CCBE1: variants seen among roughly 807,000 people sequenced by gnomAD.
CCBE1 encodes collagen and calcium-binding EGF domain-containing protein 1.
CCBE1 carries 37 observed loss-of-function variants against 50.0 expected under a neutral mutation model. The observed-to-expected ratio is 0.74, with a 90% confidence interval of 0.57 to 0.97. The LOEUF is 0.97. Ranked by LOEUF, CCBE1 falls within the 50% of genes least tolerant of loss-of-function variation. The pLI, the probability that CCBE1 is intolerant of heterozygous loss-of-function variation, is 0.00. For missense variants in CCBE1, 538 were observed against 523.8 expected (o/e 1.03, Z -0.26); for synonymous variants, 234 against 203.7 (o/e 1.15, Z -1.27).
intron 2 of CCBE1, among the ~76,000 whole-genome samples, chr18:59,567,517 C>T (rs556456924): frequency 9.8e-5 from 15 of 152,322 alleles, no homozygotes; most frequent in South Asian, 6.2e-4. Flanking sequence ...CAGCAGACAG[C>T]GATGGGAAGC....
Position 59,537,053 on chromosome 18 carries a change from A to G in CCBE1, c.213-56815T>C, listed in dbSNP as rs1022707539. Among the ~76,000 whole-genome samples, 4 of 152,122 alleles carry G rather than the reference A, an allele frequency of 2.6e-5. No homozygotes were observed. In the South Asian group the frequency reaches 8.3e-4, roughly 32 times the overall value. ...TGCTCACATATAAACTAGAAAAAGC[A>G]AAGTTAATGCTTAGCATACAGCCCC... On this transcript the variant is annotated intron_variant, in intron 2 of 10. Coordinates refer to ENST00000439986, the MANE Select transcript of CCBE1 (RefSeq NM_133459.4).
rs1454059446 is a variant in CCBE1, at chr18:59,601,064, CTCTG to C, written c.212+95561_212+95564del. On this transcript the variant is annotated intron_variant, in intron 2 of 10. Transcript: ENST00000439986. Reference sequence around the variant, plus strand: ...TTTTTTTTTGTAAGACAGGGTCTCACTCTGTCTCCCAGGCTGGAGTGCAGTGGTG... The same window carrying C: ...TTTTTTTTTGTAAGACAGGGTCTCACTCTCCCAGGCTGGAGTGCAGTGGTG... Among the ~76,000 whole-genome samples the C allele has an allele frequency of 4.4e-5, 5 of 113,100 alleles. 1 individual carries two copies. The highest frequency in any genetic ancestry group is 1.7e-4 in the African/African-American group (5 of 28,714). The allele number at this position is 113,100 out of a possible 152,430, so 74.2% of individuals were successfully genotyped here. A position where few individuals can be genotyped will look rare whatever the true frequency, so the allele number is the denominator to read the frequency against.
chr18:59,484,102 ACT>A (rs1912703119), intron 2 of CCBE1, among the ~76,000 whole-genome samples: 2 of 152,140 alleles, frequency 1.3e-5, no homozygotes, highest in Non-Finnish European at 1.5e-5. Context: ...TGAAACTTAA[ACT>A]CTGTCTAGTT....
chr18:59,646,720 C>A (rs1239516993), intron 2 of CCBE1, among the ~76,000 whole-genome samples: 1 of 152,200 alleles, frequency 6.6e-6, no homozygotes, highest in Non-Finnish European at 1.5e-5. Context: ...CATGACAGGT[C>A]TCATGTAGCA....
chr18:59,688,890 C>T (rs977932999), intron 2 of CCBE1, among the ~76,000 whole-genome samples: 10 of 152,086 alleles, frequency 6.6e-5, no homozygotes, highest in Admixed American at 5.9e-4. Flanking sequence ...CCCAAGGTCA[C>T]CTTGAGAATT....
chr18:59,545,949 G>A (rs745519890), intron 2 of CCBE1, among the ~76,000 whole-genome samples: 9 of 152,240 alleles, frequency 5.9e-5, no homozygotes, highest in South Asian at 2.1e-4. Context: ...TGTCAGCAGC[G>A]TGAAAATGAA....
At chr18:59,621,254 C>T (rs2053706642) in intron 2 of CCBE1, among the ~76,000 whole-genome samples, 2 of 152,204 alleles carry the variant, frequency 1.3e-5, no homozygotes. Context: ...GAAAGAGTTC[C>T]TGCAGCTGTG....
rs1910139279 is a variant in CCBE1, at chr18:59,436,043, G to A, written c.1086C>T (p.His362=). 6.2e-7 allele frequency: 1 copy of A among 1,614,108 alleles called. No homozygotes were observed. Among genetic ancestry groups the A allele is most frequent in the South Asian group, 1.1e-5 (1 of 91,086 alleles). ...GTAAAGGGAACTCCTCTGCTGAAGA[G>A]TGAGTCCGGTGCCCGAACACCTTTT... ...LQEKVFGHRT[H]SSAEEFPLPQ... is the part of the protein sequence containing the mutation. Residue 362 remains histidine (H), a synonymous_variant, in exon 11 of 11, where the codon CAC becomes CAT. Transcript: ENST00000439986.
At chr18:59,520,925 A>C in intron 2 of CCBE1, among the ~76,000 whole-genome samples, 1 of 152,268 alleles carries the variant, frequency 6.6e-6, no homozygotes, top group East Asian at 1.9e-4. Flanking sequence ...GTGTTGATAC[A>C]GTGATTTTTA....
At chr18:59,477,358 C>A (rs1399480501) in intron 3 of CCBE1, among the ~76,000 whole-genome samples, 1 of 152,138 alleles carries the variant, frequency 6.6e-6, no homozygotes, top group African/African-American at 2.4e-5. Context: ...GGTCACCTAA[C>A]CAGGTAGAGA....
chr18:59,457,094 A>C (rs1244719765), intron 5 of CCBE1, among the ~76,000 whole-genome samples: 1 of 152,212 alleles, frequency 6.6e-6, no homozygotes, highest in African/African-American at 2.4e-5. Flanking sequence ...GTCATCGGAG[A>C]AAAACACTTG....
At chr18:59,495,824 T>C (rs1913331421) in intron 2 of CCBE1, among the ~76,000 whole-genome samples, 1 of 152,076 alleles carries the variant, frequency 6.6e-6, no homozygotes, top group Non-Finnish European at 1.5e-5. Context: ...TCCAGGCAAC[T>C]GCCGCTCTCG....
chr18:59,485,566 A>G (rs1178526263), intron 2 of CCBE1, among the ~76,000 whole-genome samples: 1 of 149,890 alleles, frequency 6.7e-6, no homozygotes, highest in Non-Finnish European at 1.5e-5. Flanking sequence ...CTGCTTATTC[A>G]TGCGCCAGAT....
chr18:59,566,175 T>C (rs964227022), intron 2 of CCBE1, among the ~76,000 whole-genome samples: 6 of 152,238 alleles, frequency 3.9e-5, no homozygotes, highest in African/African-American at 1.2e-4. Flanking sequence ...AGATGCATGG[T>C]TTCCACATCA....
chr18:59,538,604 T>A (rs1016905335), intron 2 of CCBE1, among the ~76,000 whole-genome samples: 1 of 151,986 alleles, frequency 6.6e-6, no homozygotes, highest in Non-Finnish European at 1.5e-5. Context: ...CATGACATCC[T>A]GGGGAAAAAA....
chr18:59,495,011 G>A lies in CCBE1; in HGVS notation c.213-14773C>T, dbSNP rs552725703. ...TCTACTAAAAATACAAAAAATTAGC[G>A]AGGCATGTTGTCCCAGTTACTTGTG... On this transcript the variant is annotated intron_variant, in intron 2 of 10. Coordinates refer to ENST00000439986, the MANE Select transcript of CCBE1 (RefSeq NM_133459.4). Among the ~76,000 whole-genome samples the A allele has an allele frequency of 1.6e-4, 25 of 152,162 alleles. No homozygotes were observed. In the East Asian group the frequency reaches 4.1e-3, roughly 25 times the overall value.
chr18:59,503,182 G>A (rs1913706231), intron 2 of CCBE1, among the ~76,000 whole-genome samples: 1 of 152,222 alleles, frequency 6.6e-6, no homozygotes, highest in Admixed American at 6.5e-5. Context: ...AACTGTTCAT[G>A]TGGAAATCCA....
chr18:59,456,191 G>A (rs1003042363), intron 5 of CCBE1, among the ~76,000 whole-genome samples: 2 of 152,194 alleles, frequency 1.3e-5, no homozygotes, highest in African/African-American at 2.4e-5. Context: ...CTCTTAGGGC[G>A]CATGCCACCA....
intron 2 of CCBE1, among the ~76,000 whole-genome samples, chr18:59,556,094 C>T (rs1599009758): frequency 6.6e-6 from 1 of 152,178 alleles, no homozygotes; most frequent in African/African-American, 2.4e-5. Flanking sequence ...TAACGGGGCC[C>T]AGGACCTCTG....
Sources: allele counts gnomAD v4.1 joint callset (sites outside exome capture counted in the v4.1 genomes callset), GRCh38; gene constraint gnomAD v4.1.1; transcripts MANE v1.5; gene names NCBI Gene and HGNC (gene_info 2026-07-23, HGNC 2026-07-21).